Variants in PPP1R12B observed in about 807,000 individuals in gnomAD.
PPP1R12B encodes the protein protein phosphatase 1 regulatory subunit 12B.
Under a neutral mutation model 126.1 loss-of-function variants are expected in PPP1R12B, and 76 were observed. The observed-to-expected ratio is 0.60, with a 90% CI of 0.50 to 0.73. PPP1R12B has a LOEUF of 0.73. PPP1R12B is among the 30% of genes least tolerant of loss of function. PPP1R12B has a pLI of 0.00. For missense variants in PPP1R12B, 1,052 were observed against 1,205.1 expected, an observed-to-expected ratio of 0.87 and a Z score of 1.88; for synonymous variants, 356 against 434.7, an observed-to-expected ratio of 0.82 and a Z score of 2.25.
chr1:202,361,865 G>A, intron 1 of PPP1R12B, among the ~76,000 whole-genome samples: 1 of 152,094 alleles, frequency 6.6e-6, no homozygotes, highest in Middle Eastern at 3.2e-3. Context: ...TCAACTGTGG[G>A]CAAATGATGT....
Position 202,510,169 on chromosome 1 carries a change from T to C in PPP1R12B, c.2490+13347T>C, listed in dbSNP as rs1338666917. Among the ~76,000 whole-genome samples the C allele has an allele frequency of 5.3e-5, 8 of 152,352 alleles. No homozygotes were observed. The South Asian group carries it at 1.0e-3, about 20-fold the overall frequency. On this transcript the variant is annotated intron_variant, in intron 18 of 23. Coordinates refer to ENST00000608999, the MANE Select transcript of PPP1R12B (RefSeq NM_002481.4). ...CTAATGAAATATTATTTAGGCAGTT[T>C]ATGTATCATTTCTGGAGTTCTTGAC...
intron 1 of PPP1R12B, among the ~76,000 whole-genome samples, chr1:202,399,871 CA>C (rs200764468): frequency 0.032 from 4,923 of 152,090 alleles, 106 homozygotes; most frequent in Middle Eastern, 0.058. Context: ...CTTTTAGATT[CA>C]GGGGGTACAT....
chr1:202,406,663 A>T (rs1251339924), intron 1 of PPP1R12B, among the ~76,000 whole-genome samples: 4 of 152,170 alleles, frequency 2.6e-5, no homozygotes, highest in Non-Finnish European at 5.9e-5. Flanking sequence ...TGTAACATGG[A>T]AAGTCCTAAT....
chr1:202,488,698 A>G (rs1678469200), intron 14 of PPP1R12B, 75 bp downstream of exon 14: 2 of 1,259,954 alleles, frequency 1.6e-6, no homozygotes, highest in Admixed American at 2.0e-5. Context: ...AACACACTGC[A>G]ATATCCATGT....
At chr1:202,493,040 G>T in intron 14 of PPP1R12B, 74 bp from the exon 15 acceptor site, 1 of 1,477,466 alleles carries the variant, frequency 6.8e-7, no homozygotes. Context: ...GGTCTTTTTG[G>T]GAATATTCCT....
intron 1 of PPP1R12B, among the ~76,000 whole-genome samples, chr1:202,379,128 A>G (rs1661780005): frequency 1.3e-5 from 2 of 152,186 alleles, no homozygotes; most frequent in African/African-American, 4.8e-5. Flanking sequence ...CCAGCTGCCC[A>G]TTAGACATCT....
At chr1:202,461,391 A>C (rs1368392424) in intron 13 of PPP1R12B, among the ~76,000 whole-genome samples, 1 of 152,180 alleles carries the variant, frequency 6.6e-6, no homozygotes, top group East Asian at 1.9e-4. Flanking sequence ...AGCTATTGTG[A>C]GGATCAAATG....
intron 1 of PPP1R12B, among the ~76,000 whole-genome samples, chr1:202,359,403 G>A (rs1359963834): frequency 1.3e-5 from 2 of 151,958 alleles, no homozygotes; most frequent in African/African-American, 4.8e-5. Context: ...AAAGTTTTGG[G>A]ATTACAGTCA....
intron 13 of PPP1R12B, among the ~76,000 whole-genome samples, chr1:202,454,649 CTTGGCCAGGT>C (rs1673390149): frequency 6.6e-6 from 1 of 152,182 alleles, no homozygotes; most frequent in Non-Finnish European, 1.5e-5. Context: ...GACTTCCCTT[CTTGGCCAGGT>C]ATGGTAGCTC....
At chr1:202,349,281 A>G in intron 1 of PPP1R12B, 139 bp downstream of exon 1, 2 of 1,028,412 alleles carry the variant, frequency 1.9e-6, no homozygotes, top group East Asian at 5.3e-5. Context: ...AATCGGTTTC[A>G]TTCTTGGCCA....
In PPP1R12B at chr1:202,437,729, C is replaced by G. The variant is rs981767391; in HGVS notation, c.1255-92C>G. 1.8e-4 allele frequency: 210 copies of G among 1,180,972 alleles called. No individual in the cohort carries two copies. In the African/African-American group the frequency reaches 2.2e-3, roughly 13 times the overall value. The allele number at this position is 1,180,972 out of a possible 1,614,324, so 73.2% of individuals were successfully genotyped here. A position where few individuals can be genotyped will look rare whatever the true frequency, so the allele number is the denominator to read the frequency against. ...TTCTTAGCTACCTTATGTTGCCTCG[C>G]TGAACTTAGTTAAGTGTGGAAAAGG... On this transcript the variant is annotated intron_variant, in intron 9 of 23. Coordinates refer to ENST00000608999, the MANE Select transcript of PPP1R12B (RefSeq NM_002481.4).
chr1:202,489,408 T>C (rs1156546389), intron 14 of PPP1R12B, among the ~76,000 whole-genome samples: 1 of 152,236 alleles, frequency 6.6e-6, no homozygotes, highest in Non-Finnish European at 1.5e-5. Flanking sequence ...AAAACTTGTA[T>C]ATAGGTGTTT....
In PPP1R12B at chr1:202,506,391, G is replaced by A. The variant is rs375007154; in HGVS notation, c.2490+9569G>A. Among the ~76,000 whole-genome samples the A allele has an allele frequency of 1.4e-4, 21 of 152,256 alleles. No individual in the cohort carries two copies. In the East Asian group the frequency reaches 2.3e-3, roughly 17 times the overall value. ...TTATGGACTCTATTAATTTTAGGTC[G>A]TGCTGTTGCCCAGGAAATCTCAGTA... On this transcript the variant is annotated intron_variant, in intron 18 of 23. Transcript: ENST00000608999.
At chr1:202,472,050 C>A (rs572894144) in intron 13 of PPP1R12B, 8 of 1,594,314 alleles carry the variant, frequency 5.0e-6, no homozygotes, top group East Asian at 2.2e-5. Context: ...CTGCACCAGG[C>A]GTTTCTTCTT....
chr1:202,567,964 TTGA>T (rs1331968169), intron 22 of PPP1R12B, 133 bp downstream of exon 22: 1 of 1,082,596 alleles, frequency 9.2e-7, no homozygotes, highest in Non-Finnish European at 1.3e-6. Context: ...CATTCCCAGC[TTGA>T]TGATAAATTC....
rs533531486 is a variant in PPP1R12B, at chr1:202,483,184, T to G, written c.1851-5349T>G. 3.9e-5 allele frequency among the ~76,000 whole-genome samples: 6 copies of G among 152,220 alleles called. No individual in the cohort carries two copies. The East Asian group carries it at 9.6e-4, about 24-fold the overall frequency. On this transcript the variant is annotated intron_variant, in intron 13 of 23. Transcript: ENST00000608999. Reference sequence around the variant, plus strand: ...TTTTTAAGTTATGTAGTGTGATGCTTCCAGCTTTCCACTCAGAATTGCTTT... The same window carrying G: ...TTTTTAAGTTATGTAGTGTGATGCTGCCAGCTTTCCACTCAGAATTGCTTT...
At chr1:202,378,014 A>G (rs1478732841) in intron 1 of PPP1R12B, among the ~76,000 whole-genome samples, 2 of 149,970 alleles carry the variant, frequency 1.3e-5, no homozygotes, top group Non-Finnish European at 3.0e-5. Context: ...AATTTTTTGT[A>G]TTTTTAGTAG....
intron 9 of PPP1R12B, among the ~76,000 whole-genome samples, chr1:202,436,393 AAG>A (rs1670819739): frequency 6.6e-6 from 1 of 152,166 alleles, no homozygotes; most frequent in Non-Finnish European, 1.5e-5. Flanking sequence ...TGAACCCCTA[AAG>A]CTGGAAGGGG....
At chr1:202,536,857 G>A (rs901997904) in intron 18 of PPP1R12B, among the ~76,000 whole-genome samples, 6 of 151,872 alleles carry the variant, frequency 4.0e-5, no homozygotes, top group Non-Finnish European at 7.4e-5. Context: ...AGAATCATCA[G>A]TATCACTGTC....
Sources: allele counts gnomAD v4.1 joint callset (sites outside exome capture counted in the v4.1 genomes callset), GRCh38; gene constraint gnomAD v4.1.1; transcripts MANE v1.5; gene names NCBI Gene and HGNC (gene_info 2026-07-23, HGNC 2026-07-21).